THADA: variants seen among roughly 807,000 people sequenced by gnomAD.
THADA encodes THADA armadillo repeat containing.
Under a neutral mutation model 219.8 loss-of-function variants are expected in THADA, and 213 were observed. The ratio of observed to expected loss-of-function variants is 0.97; its 90% confidence interval spans 0.87 to 1.09. The LOEUF is 1.09. Among genes scored for constraint, THADA ranks in the 50% least tolerant of loss-of-function variants. THADA has a pLI of 0.00. For missense variants in THADA, 2,956 were observed against 2,311.3 expected (o/e 1.28, Z -5.72); for synonymous variants, 1,018 against 828.9 (o/e 1.23, Z -3.92).
At chr2:43,315,837 G>A (rs752732562) in intron 31 of THADA, among the ~76,000 whole-genome samples, 10 of 152,156 alleles carry the variant, frequency 6.6e-5, no homozygotes, top group African/African-American at 1.4e-4. Context: ...TAAGGATGAG[G>A]GCAGAGAAAG....
intron 21 of THADA, among the ~76,000 whole-genome samples, chr2:43,539,561 C>T (rs537937886): frequency 1.5e-4 from 23 of 152,092 alleles, no homozygotes; most frequent in Non-Finnish European, 2.2e-4. Flanking sequence ...TCATAGGGGA[C>T]GGGGTTCCAG....
intron 26 of THADA, among the ~76,000 whole-genome samples, chr2:43,461,283 A>C (rs1481649509): frequency 6.6e-6 from 1 of 152,222 alleles, no homozygotes; most frequent in Non-Finnish European, 1.5e-5. Context: ...AAAGTTTAAA[A>C]ACCAACACAT....
Position 43,552,219 on chromosome 2 carries a change from T to A in THADA, c.2795A>T (p.Gln932Leu). 6.2e-7 allele frequency: 1 copy of A among 1,608,380 alleles called. No individual in the cohort carries two copies. Among genetic ancestry groups the A allele is most frequent in the African/African-American group, 1.3e-5 (1 of 74,836 alleles). ...GRVHCITGAL[Q>L]KLSLNSLQLV... ...AAATCCTTACTTTAGAGATAACTTC[T>A]GCAAAGCTCCTGTTATACAGTGGAC... is the stretch of plus-strand genomic sequence containing the variant. Residue 932 changes from glutamine to leucine, a missense_variant, in exon 18 of 38, where the codon CAG (glutamine) becomes CTG (leucine). Gln to Leu is a moderately radical substitution (Grantham distance 113). Transcript: ENST00000405975.
chr2:43,380,240 C>T (rs191662794), intron 29 of THADA, among the ~76,000 whole-genome samples: 1 of 152,316 alleles, frequency 6.6e-6, no homozygotes, highest in Non-Finnish European at 1.5e-5. Context: ...TCTAACTGTA[C>T]TCTACAGATA....
intron 29 of THADA, among the ~76,000 whole-genome samples, chr2:43,383,419 T>C (rs1672267853): frequency 6.6e-6 from 1 of 152,198 alleles, no homozygotes; most frequent in South Asian, 2.1e-4. Flanking sequence ...AGGGTTCTCA[T>C]CAGCAGTTTA....
chr2:43,545,154 C>T (rs1398272465), intron 20 of THADA, among the ~76,000 whole-genome samples: 2 of 151,988 alleles, frequency 1.3e-5, no homozygotes, highest in African/African-American at 4.8e-5. Flanking sequence ...GTCTTTCGTT[C>T]TGTTTATATC....
intron 26 of THADA, among the ~76,000 whole-genome samples, chr2:43,455,718 G>A (rs1002857892): frequency 1.3e-5 from 2 of 152,160 alleles, no homozygotes; most frequent in Non-Finnish European, 2.9e-5. Flanking sequence ...TTAGGTTCTG[G>A]CTTATACTCA....
chr2:43,452,065 C>T (rs1573719032), intron 26 of THADA, among the ~76,000 whole-genome samples: 2 of 152,270 alleles, frequency 1.3e-5, no homozygotes, highest in East Asian at 1.9e-4. Flanking sequence ...TGAGATAGCA[C>T]CACTGCACTC....
chr2:43,439,535 T>C (rs1680582131), intron 26 of THADA, among the ~76,000 whole-genome samples: 1 of 152,184 alleles, frequency 6.6e-6, no homozygotes, highest in Non-Finnish European at 1.5e-5. Context: ...ACTGTCCTGG[T>C]GTCACAGGGC....
intron 26 of THADA, among the ~76,000 whole-genome samples, chr2:43,457,909 C>T (rs189122451): frequency 6.6e-6 from 1 of 151,990 alleles, no homozygotes; most frequent in East Asian, 1.9e-4. Flanking sequence ...TGCACATACA[C>T]TGAGGATGAG....
At chr2:43,423,435 C>CTT (rs34481568) in intron 28 of THADA, among the ~76,000 whole-genome samples, 5 of 142,230 alleles carry the variant, frequency 3.5e-5, no homozygotes, top group East Asian at 4.0e-4. Context: ...TTCTTTCTTT[C>CTT]TTTTTTTTTT....
At chr2:43,495,690 G>C (rs982390166) in intron 25 of THADA, among the ~76,000 whole-genome samples, 8 of 152,090 alleles carry the variant, frequency 5.3e-5, no homozygotes, top group Non-Finnish European at 1.2e-4. Flanking sequence ...GAATCACCAG[G>C]CTTCACTCTC....
chr2:43,491,347 T>G (rs150264366), intron 25 of THADA, among the ~76,000 whole-genome samples: 1 of 152,200 alleles, frequency 6.6e-6, no homozygotes, highest in Non-Finnish European at 1.5e-5. Flanking sequence ...GGAAAACACA[T>G]TAGGTTGGTG....
chr2:43,585,346 CAAAAAAAAAAAAAA>C (rs34682195), intron 7 of THADA, among the ~76,000 whole-genome samples: 5 of 95,364 alleles, frequency 5.2e-5, no homozygotes, highest in Non-Finnish European at 1.1e-4. Context: ...CTCATTCCTA[CAAAAAAAAAAAAAA>C]AAAAAAAATT....
intron 36 of THADA, among the ~76,000 whole-genome samples, chr2:43,274,907 T>A (rs1310189578): frequency 1.3e-5 from 2 of 151,988 alleles, no homozygotes. Context: ...AGGCATGAAA[T>A]CTGGCACGCC....
chr2:43,423,524 C>T (rs1473976343), intron 28 of THADA, among the ~76,000 whole-genome samples: 1 of 151,790 alleles, frequency 6.6e-6, no homozygotes, highest in Non-Finnish European at 1.5e-5. Context: ...GCTCTGCCTC[C>T]TGGGTTCACA....
chr2:43,312,169 T>C (rs150316211), intron 31 of THADA, among the ~76,000 whole-genome samples: 2 of 148,696 alleles, frequency 1.3e-5, no homozygotes, highest in East Asian at 3.9e-4. Context: ...CAGCGAGCCA[T>C]GACTGTGCCA....
chr2:43,276,660 C>T (rs1033612429), intron 36 of THADA, among the ~76,000 whole-genome samples: 1 of 152,156 alleles, frequency 6.6e-6, no homozygotes, highest in African/African-American at 2.4e-5. Context: ...CAGGACAGAA[C>T]CCAGACAGTT....
rs761888989 is a variant in THADA at position 43,293,115 on chromosome 2, G to A, written c.4537C>T (p.Pro1513Ser). The change falls in exon 32 of 38, where the codon CCC becomes TCC. Residue 1513 changes from proline to serine, a missense_variant. Transcript: ENST00000405975. ...FPWAFKVPGLPQYLQSLTRLA... is the reference protein window; with the variant it reads ...FPWAFKVPGLSQYLQSLTRLA... Reference sequence around the variant, plus strand: ...CTGGTGAGGCTCTGGAGGTACTGGGGCAGGCCTGGCACCTTGAAGGCCCAA... The same window carrying A: ...CTGGTGAGGCTCTGGAGGTACTGGGACAGGCCTGGCACCTTGAAGGCCCAA... 2 of 1,613,996 alleles carry A rather than the reference G, an allele frequency of 1.2e-6. No individual in the cohort carries two copies. The highest frequency in any genetic ancestry group is 1.1e-5 in the South Asian group (1 of 91,080).
Sources: gnomAD v4.1 joint callset for allele counts (sites outside exome capture counted in the v4.1 genomes callset) on GRCh38, gnomAD v4.1.1 for gene constraint, MANE v1.5 for transcripts, NCBI Gene and HGNC (gene_info 2026-07-23, HGNC 2026-07-21) for gene names.